CYYR1: variants seen among roughly 807,000 people sequenced by gnomAD.
The protein encoded by CYYR1 is cysteine and tyrosine-rich protein 1.
In CYYR1, 14 loss-of-function variants were observed where a neutral mutation model predicts 15.2. That is an observed-to-expected ratio of 0.92 (90% confidence interval 0.61 to 1.44). CYYR1 has a LOEUF of 1.44. Ranked by LOEUF, CYYR1 falls within the 40% of genes most tolerant of loss-of-function variation. The pLI is 0.00. For missense variants in CYYR1, 228 were observed against 209.5 expected (o/e 1.09, Z -0.54); for synonymous variants, 80 against 77.4 (o/e 1.03, Z -0.18).
chr21:26,485,845 C>T (rs971603588), intron 2 of CYYR1, among the ~76,000 whole-genome samples: 15 of 152,124 alleles, frequency 9.9e-5, no homozygotes, highest in East Asian at 3.9e-4. Context: ...CTGGGATGTA[C>T]GATAAATGTA....
Position 26,468,621 on chromosome 21 carries a change from G to C in CYYR1, c.348C>G (p.Pro116=), listed in dbSNP as rs373475978. The change falls in exon 4 of 4, where the codon CCC becomes CCG. Residue 116 remains proline (P), a synonymous_variant. Coordinates refer to ENST00000652641, the MANE Select transcript of CYYR1 (RefSeq NM_001320768.2). Reference sequence around the variant, plus strand: ...ATTCCATCTCGTGGTCGTGACCGTAGGGTGGTGGTCCTGCTGAAAAAGAAG... The same window carrying C: ...ATTCCATCTCGTGGTCGTGACCGTACGGTGGTGGTCCTGCTGAAAAAGAAG... ...TVSSYPAGPP[P]YGHDHEMEYC... The C allele has an allele frequency of 1.0e-4, 163 of 1,607,640 alleles. No homozygotes were observed. The highest frequency in any genetic ancestry group is 1.2e-4 in the Admixed American group (7 of 59,298).
At chr21:26,483,412 CA>C (rs10533983) in intron 2 of CYYR1, 196,941 of 875,594 alleles carry the variant, frequency 0.22, 3,821 homozygotes, top group East Asian at 0.34. Flanking sequence ...TCTCTCCTAT[CA>C]AAAAAAAAAA....
intron 2 of CYYR1, among the ~76,000 whole-genome samples, chr21:26,491,041 A>G (rs2065320504): frequency 1.3e-5 from 2 of 152,312 alleles, no homozygotes; most frequent in African/African-American, 4.8e-5. Flanking sequence ...GGGTGATTGC[A>G]TTCTGCCACA....
At chr21:26,553,678 A>G (rs1398828218) in intron 2 of CYYR1, among the ~76,000 whole-genome samples, 1 of 152,172 alleles carries the variant, frequency 6.6e-6, no homozygotes, top group Non-Finnish European at 1.5e-5. Flanking sequence ...GTCCTGAAGT[A>G]GCTGCTTCGT....
chr21:26,501,033 T>C (rs1382241291), intron 2 of CYYR1, among the ~76,000 whole-genome samples: 6 of 152,128 alleles, frequency 3.9e-5, no homozygotes, highest in African/African-American at 1.4e-4. Flanking sequence ...GTGAGTGACT[T>C]ATTTCCTTAG....
chr21:26,542,979 T>C (rs1978678136), intron 2 of CYYR1, among the ~76,000 whole-genome samples: 1 of 152,236 alleles, frequency 6.6e-6, no homozygotes, highest in Non-Finnish European at 1.5e-5. Context: ...CTAAATGATA[T>C]ATTCAACACA....
intron 2 of CYYR1, among the ~76,000 whole-genome samples, chr21:26,523,376 C>G (rs996288034): frequency 2.0e-5 from 3 of 152,078 alleles, no homozygotes; most frequent in Non-Finnish European, 4.4e-5. Flanking sequence ...CTTTTCTTAC[C>G]CCTCACAATC....
intron 2 of CYYR1, among the ~76,000 whole-genome samples, chr21:26,494,354 C>A (rs147242371): frequency 6.6e-6 from 1 of 152,302 alleles, no homozygotes; most frequent in African/African-American, 2.4e-5. Context: ...TCTCCCCCAA[C>A]ATCACCTCCA....
intron 2 of CYYR1, among the ~76,000 whole-genome samples, chr21:26,494,121 C>T (rs2065362688): frequency 6.6e-6 from 1 of 152,136 alleles, no homozygotes; most frequent in Admixed American, 6.6e-5. Context: ...CCCTCCAGCT[C>T]CCTAGTACCA....
chr21:26,548,497 T>G (rs1418714441), intron 2 of CYYR1, among the ~76,000 whole-genome samples: 1 of 152,212 alleles, frequency 6.6e-6, no homozygotes, highest in East Asian at 1.9e-4. Context: ...CAGGCGTGTG[T>G]CATCACATCT....
intron 2 of CYYR1, among the ~76,000 whole-genome samples, chr21:26,509,395 C>A (rs1221220432): frequency 6.6e-6 from 1 of 152,136 alleles, no homozygotes; most frequent in Non-Finnish European, 1.5e-5. Context: ...AACTTCCTAT[C>A]CCTTTTTACT....
At chr21:26,506,013 G>A (rs2065555221) in intron 2 of CYYR1, among the ~76,000 whole-genome samples, 1 of 151,994 alleles carries the variant, frequency 6.6e-6, no homozygotes. Flanking sequence ...TGAATTTTAT[G>A]CTTTTATGTA....
chr21:26,486,887 A>C (rs565079527), intron 2 of CYYR1, among the ~76,000 whole-genome samples: 1 of 152,104 alleles, frequency 6.6e-6, no homozygotes, highest in South Asian at 2.1e-4. Flanking sequence ...TAAGGAAAAT[A>C]GCAGATATGA....
chr21:26,487,309 G>A (rs1455409912), intron 2 of CYYR1, among the ~76,000 whole-genome samples: 2 of 151,940 alleles, frequency 1.3e-5, no homozygotes, highest in East Asian at 1.9e-4. Context: ...TATAAGTGAA[G>A]CTAAAGCATT....
intron 2 of CYYR1, among the ~76,000 whole-genome samples, chr21:26,515,603 C>T (rs2065717361): frequency 6.6e-6 from 1 of 152,074 alleles, no homozygotes; most frequent in Non-Finnish European, 1.5e-5. Context: ...TTCAAGTGAT[C>T]CACCCATGTC....
intron 3 of CYYR1, among the ~76,000 whole-genome samples, chr21:26,478,959 A>T (rs2065137334): frequency 6.6e-6 from 1 of 152,072 alleles, no homozygotes; most frequent in Non-Finnish European, 1.5e-5. Flanking sequence ...GAAATCCAAC[A>T]CTTGGATCAG....
intron 2 of CYYR1, among the ~76,000 whole-genome samples, chr21:26,505,799 T>C (rs1423823378): frequency 7.3e-6 from 1 of 137,452 alleles, no homozygotes; most frequent in East Asian, 2.0e-4. Flanking sequence ...GGTTAATACA[T>C]ATTTTAAAAA....
At chr21:26,501,505 C>G (rs190274333) in intron 2 of CYYR1, among the ~76,000 whole-genome samples, 310 of 152,346 alleles carry the variant, frequency 2.0e-3, no homozygotes, top group Non-Finnish European at 1.5e-3. Flanking sequence ...TCTAAAGCAT[C>G]ACATTCACAT....
At chr21:26,536,702 C>G (rs1978305172) in intron 2 of CYYR1, among the ~76,000 whole-genome samples, 1 of 152,130 alleles carries the variant, frequency 6.6e-6, no homozygotes, top group Non-Finnish European at 1.5e-5. Flanking sequence ...CCCTGAGACA[C>G]CGGATTGGAA....
Sources: gnomAD v4.1 joint callset for allele counts (sites outside exome capture counted in the v4.1 genomes callset) on GRCh38, gnomAD v4.1.1 for gene constraint, MANE v1.5 for transcripts, NCBI Gene and HGNC (gene_info 2026-07-23, HGNC 2026-07-21) for gene names.